KCNH1: variants seen among roughly 807,000 people sequenced by gnomAD.
KCNH1 encodes the protein potassium voltage-gated channel subfamily H member 1.
In KCNH1, 27 loss-of-function variants were observed where a neutral mutation model predicts 69.2. The ratio of observed to expected loss-of-function variants is 0.39; its 90% confidence interval spans 0.29 to 0.54. The LOEUF (loss-of-function observed/expected upper bound fraction) is 0.54. Ranked by LOEUF, KCNH1 falls within the 20% of genes least tolerant of loss-of-function variation. The pLI is 0.68. For synonymous variants in KCNH1, 456 were observed against 487.7 expected (o/e 0.93, Z 0.86); for missense variants, 798 against 1,261.6 (o/e 0.63, Z 5.57).
rs1036205934 is a variant in KCNH1 at position 211,105,385 on chromosome 1, A to G, written c.204-1783T>C. On this transcript the variant is annotated intron_variant, in intron 2 of 10. Coordinates refer to ENST00000271751, the MANE Select transcript of KCNH1 (RefSeq NM_172362.3). ...AGTTGAATCTTCAAATAAATGAAGT[A>G]CTATAATTATACCTAGTTTTCATTC... 5.3e-5 allele frequency among the ~76,000 whole-genome samples: 8 copies of G among 152,258 alleles called. 1 individual carries two copies. In the South Asian group the frequency reaches 1.7e-3, roughly 31 times the overall value.
intron 6 of KCNH1, among the ~76,000 whole-genome samples, chr1:211,004,023 G>A (rs1571570773): frequency 6.6e-6 from 1 of 152,082 alleles, no homozygotes; most frequent in Admixed American, 6.6e-5. Flanking sequence ...AACCCCGGGG[G>A]ACGGAGCCTG....
intron 10 of KCNH1, among the ~76,000 whole-genome samples, chr1:210,718,230 A>C (rs1682311928): frequency 7.5e-6 from 1 of 133,102 alleles, no homozygotes. Flanking sequence ...AAAATTATAT[A>C]TATAAAAAGT....
At chr1:210,951,382 T>A (rs1298036075) in intron 6 of KCNH1, among the ~76,000 whole-genome samples, 1 of 152,212 alleles carries the variant, frequency 6.6e-6, no homozygotes, top group Non-Finnish European at 1.5e-5. Context: ...TGCTAATATA[T>A]GTCAAGGAGA....
At chr1:211,098,057 A>T (rs1301281162) in intron 3 of KCNH1, among the ~76,000 whole-genome samples, 1 of 152,214 alleles carries the variant, frequency 6.6e-6, no homozygotes, top group African/African-American at 2.4e-5. Context: ...ATGGTGGCTC[A>T]TGCCTGTAAT....
intron 10 of KCNH1, among the ~76,000 whole-genome samples, chr1:210,757,481 C>G (rs754322319): frequency 6.6e-6 from 1 of 152,200 alleles, no homozygotes; most frequent in Non-Finnish European, 1.5e-5. Context: ...TATTCCCACT[C>G]TTCCTTTAAG....
At chr1:211,029,876 T>A (rs1689751346) in intron 5 of KCNH1, among the ~76,000 whole-genome samples, 1 of 152,212 alleles carries the variant, frequency 6.6e-6, no homozygotes. Context: ...TAAAAATTAC[T>A]GTATTTCTAC....
intron 5 of KCNH1, among the ~76,000 whole-genome samples, chr1:211,036,255 A>G (rs1689894785): frequency 6.6e-6 from 1 of 152,098 alleles, no homozygotes; most frequent in Admixed American, 6.6e-5. Context: ...GATGGGTGAG[A>G]GGTCTGGCAA....
At chr1:210,965,620 C>T (rs928165206) in intron 6 of KCNH1, among the ~76,000 whole-genome samples, 2 of 152,046 alleles carry the variant, frequency 1.3e-5, no homozygotes, top group African/African-American at 4.8e-5. Flanking sequence ...CTTGAGAGAA[C>T]TCCCATTCAC....
chr1:210,767,949 C>G (rs1198767993), intron 10 of KCNH1, among the ~76,000 whole-genome samples: 1 of 152,194 alleles, frequency 6.6e-6, no homozygotes, highest in Non-Finnish European at 1.5e-5. Flanking sequence ...TCCATTCATT[C>G]TGTTATAGGA....
chr1:211,003,752 AAAG>A (rs1207778430), intron 6 of KCNH1, among the ~76,000 whole-genome samples: 1 of 152,226 alleles, frequency 6.6e-6, no homozygotes, highest in Non-Finnish European at 1.5e-5. Flanking sequence ...TAAATTATCA[AAAG>A]AAATAATAGA....
At position 211,090,585 on chromosome 1, in the gene KCNH1, G is replaced by T; in HGVS notation, c.416C>A (p.Pro139Gln). ...TFSDITAFKQPIEDDSCKGWG... is the reference protein window; with the variant it reads ...TFSDITAFKQQIEDDSCKGWG... ...ACCTTTACATGAATCATCCTCAATT[G>T]GCTGTTTGAAAGCTGTTATGTCACT... Residue 139 changes from proline (P) to glutamine (Q), a missense_variant, in exon 4 of 11, where the codon CCA becomes CAA. This residue lies in a region of KCNH1 where 266 missense variants were observed against 457.2 expected (regional missense o/e 0.58). Transcript: ENST00000271751. The T allele has an allele frequency of 6.2e-7, 1 of 1,605,824 alleles. No homozygotes were observed. Among genetic ancestry groups the T allele is most frequent in the Non-Finnish European group, 8.5e-7 (1 of 1,178,268 alleles).
At chr1:210,913,627 G>T (rs1687278644) in intron 7 of KCNH1, among the ~76,000 whole-genome samples, 1 of 152,160 alleles carries the variant, frequency 6.6e-6, no homozygotes, top group African/African-American at 2.4e-5. Context: ...CTCTCAACTA[G>T]AAATATAAGG....
rs150891780 is a variant in KCNH1 at position 210,737,634 on chromosome 1, C to T, written c.2112+37714G>A. On this transcript the variant is annotated intron_variant, in intron 10 of 10. Coordinates refer to ENST00000271751, the MANE Select transcript of KCNH1 (RefSeq NM_172362.3). ...TCTGAACTCTCAATTCCTACATGCC[C>T]TCTCCCCCTGCACATACCCCTCAAA... is the stretch of plus-strand genomic sequence containing the variant. 3.6e-3 allele frequency among the ~76,000 whole-genome samples: 555 copies of T among 152,230 alleles called. 4 individuals carry two copies. Among genetic ancestry groups the T allele is most frequent in the African/African-American group, 0.013 (529 of 41,544 alleles).
chr1:210,885,928 G>A (rs370229619), intron 7 of KCNH1, among the ~76,000 whole-genome samples: 1 of 152,156 alleles, frequency 6.6e-6, no homozygotes, highest in South Asian at 2.1e-4. Context: ...CATATCCCTG[G>A]GACAGAGCAC....
chr1:211,079,527 T>G (rs574765254), intron 5 of KCNH1, among the ~76,000 whole-genome samples: 3 of 152,200 alleles, frequency 2.0e-5, no homozygotes, highest in Non-Finnish European at 2.9e-5. Context: ...AAGAGAATTT[T>G]AGACCAATAT....
chr1:210,872,632 G>T (rs1219585039), intron 7 of KCNH1, among the ~76,000 whole-genome samples: 2 of 152,138 alleles, frequency 1.3e-5, no homozygotes, highest in African/African-American at 4.8e-5. Flanking sequence ...GGGGAGCAAG[G>T]TGTCTTACAT....
At chr1:210,811,368 T>A (rs1684698877) in intron 7 of KCNH1, among the ~76,000 whole-genome samples, 1 of 152,108 alleles carries the variant, frequency 6.6e-6, no homozygotes, top group Admixed American at 6.5e-5. Flanking sequence ...TGAGTGGGGG[T>A]TCTGGTGAAA....
chr1:210,923,830 G>C (rs993215735), intron 6 of KCNH1, among the ~76,000 whole-genome samples: 1 of 152,168 alleles, frequency 6.6e-6, no homozygotes. Context: ...AACATGTATT[G>C]TGTTGAACAA....
Position 210,859,335 on chromosome 1 carries a change from A to C in KCNH1, c.1463-55169T>G, listed in dbSNP as rs539670873. 18 of 1,528,222 alleles carry C rather than the reference A, an allele frequency of 1.2e-5. No individual in the cohort carries two copies. In the East Asian group the frequency reaches 4.0e-4, roughly 34 times the overall value. The allele number at this position is 1,528,222 out of a possible 1,614,324, so 94.7% of individuals were successfully genotyped here. A position where few individuals can be genotyped will look rare whatever the true frequency, so the allele number is the denominator to read the frequency against. On this transcript the variant is annotated intron_variant, in intron 7 of 10. Transcript: ENST00000271751. ...TCTGTAACTGTTTTCTTTGTTCTTC[A>C]TTAAGACCATGAGTCAGACCCTGAT...
Sources: gnomAD v4.1 joint callset for allele counts (sites outside exome capture counted in the v4.1 genomes callset) on GRCh38, gnomAD v4.1.1 for gene constraint, gnomAD v4.1.1 regional missense constraint, MANE v1.5 for transcripts, NCBI Gene and HGNC (gene_info 2026-07-23, HGNC 2026-07-21) for gene names.